Variants in TENT5A observed in about 807,000 individuals in gnomAD.
TENT5A encodes terminal nucleotidyltransferase 5A.
Under a neutral mutation model 30.2 loss-of-function variants are expected in TENT5A, and 9 were observed. The ratio of observed to expected loss-of-function variants is 0.30; its 90% CI spans 0.18 to 0.52. TENT5A has a LOEUF of 0.52. Among genes scored for constraint, TENT5A ranks in the 20% least tolerant of loss-of-function variants. The pLI is 0.97. For synonymous variants in TENT5A, 264 were observed against 234.2 expected (o/e 1.13, Z -1.16); for missense variants, 411 against 566.1 (o/e 0.73, Z 2.78).
chr6:81,752,238 G>C (rs1372467629), intron 1 of TENT5A, 60 bp from the exon 2 acceptor site: 34 of 1,362,690 alleles, frequency 2.5e-5, no homozygotes, highest in Non-Finnish European at 3.2e-5. Context: ...CACGCGCGGC[G>C]GCGGAGAGCA....
Position 81,746,951 on chromosome 6 carries a change from C to G in TENT5A, c.*2744G>C. On this transcript the variant is annotated 3_prime_UTR_variant, in exon 3 of 3. Transcript: ENST00000320172. ...TGCTAGAAGTTGTCTTGAGTACAGC[C>G]TGTTCTATATGAATAGGTGCCAGGT... 1 of 996,380 alleles carries G rather than the reference C, an allele frequency of 1.0e-6. No homozygotes were observed. The highest frequency in any genetic ancestry group is 1.2e-6 in the Non-Finnish European group (1 of 837,046). The allele number at this position is 996,380 out of a possible 1,614,324, so 61.7% of individuals were successfully genotyped here. A position where few individuals can be genotyped will look rare whatever the true frequency, so the allele number is the denominator to read the frequency against.
Position 81,752,425 on chromosome 6 carries a change from T to C in TENT5A, c.-38+6A>G. 1 of 1,550,014 alleles carries C rather than the reference T, an allele frequency of 6.5e-7. No homozygotes were observed. The highest frequency in any genetic ancestry group is 1.2e-5 in the South Asian group (1 of 84,056). On this transcript the variant is annotated splice_donor_region_variant and intron_variant, in intron 1 of 2. Transcript: ENST00000320172. ...AAAGCGCAAGCGAGAGTCCCGTCTGTGTCACCTGGAGGCGGCCGCCCCTTC... is the reference window on the plus strand; with the variant it reads ...AAAGCGCAAGCGAGAGTCCCGTCTGCGTCACCTGGAGGCGGCCGCCCCTTC...
chr6:81,751,448 A>T (rs1484215401), intron 2 of TENT5A, 142 bp downstream of exon 2: 2 of 761,674 alleles, frequency 2.6e-6, no homozygotes, highest in African/African-American at 3.5e-5. Context: ...TGGTTTAAAA[A>T]ATCAAAAATC....
rs1391729105 is a variant in TENT5A, at chr6:81,746,461, T to C, written c.*3234A>G. The C allele has an allele frequency of 8.1e-7, 1 of 1,231,922 alleles. No homozygotes were observed. Among genetic ancestry groups the C allele is most frequent in the Non-Finnish European group, 1.0e-6 (1 of 987,874 alleles). 76.3% of individuals were successfully genotyped at this position (1,231,922 alleles called of 1,614,324 possible). A position where few individuals can be genotyped will look rare whatever the true frequency, so the allele number is the denominator to read the frequency against. ...TACACATATTCTTCCATCCTTGCATTTTTGGAGCTACATTATTAGTCCATC... is the reference window on the plus strand; with the variant it reads ...TACACATATTCTTCCATCCTTGCATCTTTGGAGCTACATTATTAGTCCATC... On this transcript the variant is annotated 3_prime_UTR_variant, in exon 3 of 3. Transcript: ENST00000320172.
chr6:81,752,673 C>G lies in TENT5A; in HGVS notation c.-280G>C. 1.4e-6 allele frequency: 1 copy of G among 717,806 alleles called. No individual in the cohort carries two copies. The highest frequency in any genetic ancestry group is 2.6e-6 in the Non-Finnish European group (1 of 385,414). 44.5% of individuals were successfully genotyped at this position (717,806 alleles called of 1,614,324 possible). On this transcript the variant is annotated 5_prime_UTR_variant, in exon 1 of 3. Transcript: ENST00000320172. Reference sequence around the variant, plus strand: ...CACGCTCGTGTCTCTGGAGCTTTAGCAGTTGTGCGGGGAAAATGTCTTCAG... The same window carrying G: ...CACGCTCGTGTCTCTGGAGCTTTAGGAGTTGTGCGGGGAAAATGTCTTCAG...
Position 81,745,899 on chromosome 6 carries a change from C to T in TENT5A, c.*3796G>A. 1 of 985,284 alleles carries T rather than the reference C, an allele frequency of 1.0e-6. No homozygotes were observed. The highest frequency in any genetic ancestry group is 1.2e-6 in the Non-Finnish European group (1 of 829,930). 61.0% of individuals were successfully genotyped at this position (985,284 alleles called of 1,614,324 possible). ...GACGCAGCCTATAGTCAAAATATTC[C>T]AAAAGAGTGACCCAAGGTGCAGCTT... On this transcript the variant is annotated 3_prime_UTR_variant, in exon 3 of 3. Coordinates refer to ENST00000320172, the MANE Select transcript of TENT5A (RefSeq NM_017633.3).
chr6:81,750,379 T>C lies in TENT5A; in HGVS notation c.645A>G (p.Glu215=), dbSNP rs1360197941. 6.2e-7 allele frequency: 1 copy of C among 1,613,536 alleles called. No individual in the cohort carries two copies. The highest frequency in any genetic ancestry group is 1.3e-5 in the African/African-American group (1 of 74,906). ...TCCGGAGGGAATCCACAAATTTCAGTTCCACATTTTTGCCACTGTTGTTTG... is the reference window on the plus strand; with the variant it reads ...TCCGGAGGGAATCCACAAATTTCAGCTCCACATTTTTGCCACTGTTGTTTG... ...SLSNNSGKNV[E]LKFVDSLRRQ... Residue 215 remains glutamate, a synonymous_variant, in exon 3 of 3, where the codon GAA becomes GAG. Coordinates refer to ENST00000320172, the MANE Select transcript of TENT5A (RefSeq NM_017633.3). The surrounding 1 kb of genome is among the most constrained non-coding windows in gnomAD (Gnocchi z 4.2).
chr6:81,751,817 C>T lies in TENT5A; in HGVS notation c.325G>A (p.Ala109Thr). 6.2e-7 allele frequency: 1 copy of T among 1,612,592 alleles called. No homozygotes were observed. The highest frequency in any genetic ancestry group is 1.1e-5 in the South Asian group (1 of 91,050). ...TCGCGGACGCCAATGCGCTTCTCGG[C>T]CAGGCGCCGCCGCACCACCTTCACG... is the stretch of plus-strand genomic sequence containing the variant. The part of the protein sequence containing the change: ...LIVKVVRRRL[A>T]EKRIGVRDVR... The change falls in exon 2 of 3, where the codon GCC (alanine) becomes ACC (threonine). Residue 109 changes from alanine (A) to threonine (T), a missense_variant. Around this residue, in one of 5 missense-constraint regions of TENT5A, gnomAD observed 157 missense variants for 183.2 expected, o/e 0.86. Transcript: ENST00000320172.
At chr6:81,751,045 G>A (rs778092510) in intron 2 of TENT5A, among the ~76,000 whole-genome samples, 48 of 152,136 alleles carry the variant, frequency 3.2e-4, no homozygotes, top group Admixed American at 1.8e-3. Context: ...AACTAAAGTG[G>A]AGGGTGGGGA....
Position 81,750,253 on chromosome 6 carries a change from G to C in TENT5A, c.771C>G (p.Pro257=), listed in dbSNP as rs761210444. Residue 257 remains proline (P), a synonymous_variant, in exon 3 of 3, where the codon CCC becomes CCG. Coordinates refer to ENST00000320172, the MANE Select transcript of TENT5A (RefSeq NM_017633.3). This position sits in a 1 kb window ranked among gnomAD's most constrained non-coding sequence, Gnocchi z 4.2. The part of the protein sequence containing the change: ...SENPMTETFH[P]TIIGESVYGD... The stretch of plus-strand genomic sequence containing the variant: ...CATAGACGCTCTCCCCGATTATTGT[G>C]GGGTGAAATGTCTCAGTCATTGGGT... 2 of 1,614,120 alleles carry C rather than the reference G, an allele frequency of 1.2e-6. No individual in the cohort carries two copies. Among genetic ancestry groups the C allele is most frequent in the East Asian group, 4.5e-5 (2 of 44,874 alleles).
In TENT5A at chr6:81,751,713, G is replaced by T; in HGVS notation, c.429C>A (p.Ile143=). ...SGLGYKDLDL[I]FCADLRGEGE... ...CTTCCCCGCGCAGGTCGGCGCAGAA[G>T]ATGAGGTCCAGGTCCTTGTAGCCCA... The change falls in exon 2 of 3, where the codon ATC becomes ATA. Residue 143 remains isoleucine, a synonymous_variant. Coordinates refer to ENST00000320172, the MANE Select transcript of TENT5A (RefSeq NM_017633.3). The T allele has an allele frequency of 8.1e-6, 13 of 1,614,098 alleles. No individual in the cohort carries two copies. Among genetic ancestry groups the T allele is most frequent in the Non-Finnish European group, 1.0e-5 (12 of 1,180,046 alleles).
Position 81,746,287 on chromosome 6 carries a change from A to T in TENT5A, c.*3408T>A. 4.2e-6 allele frequency: 5 copies of T among 1,203,910 alleles called. No individual in the cohort carries two copies. Among genetic ancestry groups the T allele is most frequent in the Non-Finnish European group, 5.1e-6 (5 of 970,912 alleles). The allele number at this position is 1,203,910 out of a possible 1,614,324, so 74.6% of individuals were successfully genotyped here. On this transcript the variant is annotated 3_prime_UTR_variant, in exon 3 of 3. Coordinates refer to ENST00000320172, the MANE Select transcript of TENT5A (RefSeq NM_017633.3). ...GAACTGACAGCTTTCAACATAATAC[A>T]TTTCATTTACAAAATAGTTCACAAT...
rs1226102946 is a variant in TENT5A at position 81,752,467 on chromosome 6, G to A, written c.-74C>T. ...CGCCCCTTCTAGGAGCGCAGCGAGC[G>A]AGAGCGAAACCGAGAGGCGGCAACA... On this transcript the variant is annotated 5_prime_UTR_variant, in exon 1 of 3. Transcript: ENST00000320172. 1.3e-6 allele frequency: 2 copies of A among 1,548,394 alleles called. No homozygotes were observed. Among genetic ancestry groups the A allele is most frequent in the Non-Finnish European group, 1.7e-6 (2 of 1,145,448 alleles).
Position 81,747,740 on chromosome 6 carries a change from A to G in TENT5A, c.*1955T>C, listed in dbSNP as rs1562141376. On this transcript the variant is annotated 3_prime_UTR_variant, in exon 3 of 3. Coordinates refer to ENST00000320172, the MANE Select transcript of TENT5A (RefSeq NM_017633.3). ...GGAGATTATGTGGTTGTTTCACAAC[A>G]CAAAGGGAAGGTTCTTATGTGTTAG... is the stretch of plus-strand genomic sequence containing the variant. The G allele has an allele frequency of 2.0e-6, 2 of 985,778 alleles. No individual in the cohort carries two copies. Among genetic ancestry groups the G allele is most frequent in the Non-Finnish European group, 2.4e-6 (2 of 829,946 alleles). 61.1% of individuals were successfully genotyped at this position (985,778 alleles called of 1,614,324 possible). A position where few individuals can be genotyped will look rare whatever the true frequency, so the allele number is the denominator to read the frequency against.
rs754008809 is a variant in TENT5A at position 81,752,010 on chromosome 6, ACCGCCGAAGTCGCCG to A, written c.117_131del (p.Asp41_Gly45del). The A allele has an allele frequency of 0.2, 268,175 of 1,340,024 alleles. 44,155 individuals are homozygous for A. The highest frequency in any genetic ancestry group is 0.25 in the Admixed American group (12,863 of 51,442). 83.0% of individuals were successfully genotyped at this position (1,340,024 alleles called of 1,614,324 possible). A position where few individuals can be genotyped will look rare whatever the true frequency, so the allele number is the denominator to read the frequency against. On this transcript the variant is annotated inframe_deletion, in exon 2 of 3. Coordinates refer to ENST00000320172, the MANE Select transcript of TENT5A (RefSeq NM_017633.3). Reference sequence around the variant, plus strand: ...AGCAATGCCCACCGAAGCTGCCGCCACCGCCGAAGTCGCCGCCGCCGAAGTCGCCGCCGCCGAAGT... The same window carrying A: ...AGCAATGCCCACCGAAGCTGCCGCCACCGCCGAAGTCGCCGCCGCCGAAGT...
In TENT5A at chr6:81,749,019, C is replaced by T. The variant is rs1768969221; in HGVS notation, c.*676G>A. 1 of 985,652 alleles carries T rather than the reference C, an allele frequency of 1.0e-6. No homozygotes were observed. Among genetic ancestry groups the T allele is most frequent in the African/African-American group, 1.7e-5 (1 of 57,218 alleles). The allele number at this position is 985,652 out of a possible 1,614,324, so 61.1% of individuals were successfully genotyped here. ...ACAGCTGTTTTTGCTTGCATTTTTA[C>T]ATTTTAAAAATGTGATCTATGCACG... On this transcript the variant is annotated 3_prime_UTR_variant, in exon 3 of 3. Transcript: ENST00000320172.
chr6:81,751,857 C>A lies in TENT5A; in HGVS notation c.285G>T (p.Leu95=). The A allele has an allele frequency of 6.2e-7, 1 of 1,613,096 alleles. No individual in the cohort carries two copies. The change falls in exon 2 of 3, where the codon CTG becomes CTT. Residue 95 remains leucine, a synonymous_variant. Transcript: ENST00000320172. Reference sequence around the variant, plus strand: ...CCACCTTCACGATCAGGCTCGGCTGCAGCTCGAGCGTGGGGAAGTTGCCGC... The same window carrying A: ...CCACCTTCACGATCAGGCTCGGCTGAAGCTCGAGCGTGGGGAAGTTGCCGC... ...HGRGNFPTLE[L]QPSLIVKVVR... is the part of the protein sequence containing the mutation.
In TENT5A at chr6:81,749,995, G is replaced by A; in HGVS notation, c.1029C>T (p.His343=). The part of the protein sequence containing the change: ...QRKLESYLQN[H]FVGLEDRKYE... ...ACTTGCGGTCTTCCAATCCCACAAA[G>A]TGGTTCTGCAAATAGGACTCCAGTT... The change falls in exon 3 of 3, where the codon CAC becomes CAT. Residue 343 remains histidine, a synonymous_variant. Transcript: ENST00000320172. 1 of 1,614,152 alleles carries A rather than the reference G, an allele frequency of 6.2e-7. No individual in the cohort carries two copies. The highest frequency in any genetic ancestry group is 8.5e-7 in the Non-Finnish European group (1 of 1,180,012).
Position 81,751,578 on chromosome 6 carries a change from G to C in TENT5A, c.552+12C>G. 1 of 1,591,134 alleles carries C rather than the reference G, an allele frequency of 6.3e-7. No individual in the cohort carries two copies. The highest frequency in any genetic ancestry group is 2.2e-5 in the East Asian group (1 of 44,744). On this transcript the variant is annotated intron_variant, in intron 2 of 2. Coordinates refer to ENST00000320172, the MANE Select transcript of TENT5A (RefSeq NM_017633.3). ...CTGGGTCAGGACCCAAGTGCATCTC[G>C]GGTGGTGTTACCTTGAGCGTGAGTG...
Sources: gnomAD v4.1 joint callset for allele counts (sites outside exome capture counted in the v4.1 genomes callset) on GRCh38, gnomAD v4.1.1 for gene constraint, gnomAD v4.1.1 regional missense constraint, Gnocchi (gnomAD v3.1) non-coding constraint, MANE v1.5 for transcripts, NCBI Gene and HGNC (gene_info 2026-07-23, HGNC 2026-07-21) for gene names.